The following PALM2AKAP2 variants were observed in gnomAD, a reference collection of about 807,000 sequenced individuals.
PALM2AKAP2 encodes the protein PALM2 and AKAP2 fusion, also known as PALM2-AKAP2 fusion protein.
PALM2AKAP2 carries 37 observed loss-of-function variants against 71.5 expected under a neutral mutation model. The observed-to-expected ratio is 0.52, with a 90% confidence interval of 0.40 to 0.68. The LOEUF (loss-of-function observed/expected upper bound fraction) is 0.68, where lower values mean the gene tolerates loss of function less well. Ranked by LOEUF, PALM2AKAP2 falls within the 30% of genes least tolerant of loss-of-function variation. The probability of loss-of-function intolerance (pLI) is 0.00; values close to 1 mark genes in which losing one functional copy is unlikely to be tolerated. For synonymous variants in PALM2AKAP2, 468 were observed against 478.8 expected, an observed-to-expected ratio of 0.98 and a Z score of 0.29; for missense variants, 1,224 against 1,191.8, an observed-to-expected ratio of 1.03 and a Z score of -0.40.
At chr9:109,977,247 AC>A (rs2132177650) in intron 6 of PALM2AKAP2, among the ~76,000 whole-genome samples, 1 of 152,318 alleles carries the variant, frequency 6.6e-6, no homozygotes, top group East Asian at 1.9e-4. Flanking sequence ...AGTTGAAAGA[AC>A]ATGCTTCTTC....
intron 1 of PALM2AKAP2, among the ~76,000 whole-genome samples, chr9:109,795,128 T>C (rs941958185): frequency 6.6e-6 from 1 of 152,214 alleles, no homozygotes; most frequent in African/African-American, 2.4e-5. Context: ...ATCTTTTGCA[T>C]TATAGGATGT....
intron 1 of PALM2AKAP2, among the ~76,000 whole-genome samples, chr9:109,736,769 C>A (rs917297570): frequency 1.3e-5 from 2 of 152,094 alleles, no homozygotes; most frequent in African/African-American, 4.8e-5. Context: ...ACTCTCCCGC[C>A]ATCCCACCTT....
At chr9:109,665,802 G>T (rs1018390581) in intron 1 of PALM2AKAP2, among the ~76,000 whole-genome samples, 2 of 152,216 alleles carry the variant, frequency 1.3e-5, no homozygotes, top group Non-Finnish European at 2.9e-5. Context: ...CACAGAGGTG[G>T]AGTCTAGAGA....
chr9:110,066,715 G>T lies in PALM2AKAP2; in HGVS notation c.156+17860G>T, dbSNP rs184389911. Reference sequence around the variant, plus strand: ...CATTGTCTCTTAAAAAAAAAAAAAAGTAGGTAAAGATTGAAACAGGCTGGC... The same window carrying T: ...CATTGTCTCTTAAAAAAAAAAAAAATTAGGTAAAGATTGAAACAGGCTGGC... On this transcript the variant is annotated intron_variant, in intron 1 of 3. Coordinates refer to ENST00000374525, the Ensembl canonical transcript of PALM2AKAP2. 2.4e-3 allele frequency among the ~76,000 whole-genome samples: 358 copies of T among 148,814 alleles called. 1 individual carries two copies. Among genetic ancestry groups the T allele is most frequent in the Middle Eastern group, 3.6e-3 (1 of 280 alleles).
Position 109,847,083 on chromosome 9 carries a change from C to T in PALM2AKAP2, c.46-20408C>T, listed in dbSNP as rs545264507. Among the ~76,000 whole-genome samples, 8 of 152,244 alleles carry T rather than the reference C, an allele frequency of 5.3e-5. No individual in the cohort carries two copies. The South Asian group carries it at 6.2e-4, about 12-fold the overall frequency. On this transcript the variant is annotated intron_variant, in intron 1 of 9. Coordinates refer to the PALM2AKAP2 transcript ENST00000302798. ...ACAATGGCGCCCTAAAAGATATATC[C>T]GCATCAAATCCCTGGGACCTATGTG...
intron 1 of PALM2AKAP2, among the ~76,000 whole-genome samples, chr9:110,085,877 C>T (rs912853070): frequency 6.6e-6 from 1 of 152,032 alleles, no homozygotes; most frequent in Non-Finnish European, 1.5e-5. Context: ...GAGGCCGAGG[C>T]GGGCGGATCA....
At chr9:109,763,080 A>G (rs183760973) in intron 1 of PALM2AKAP2, among the ~76,000 whole-genome samples, 7 of 152,308 alleles carry the variant, frequency 4.6e-5, no homozygotes, top group Non-Finnish European at 8.8e-5. Context: ...TTTCAAGGAT[A>G]TAAGTGGAGA....
intron 1 of PALM2AKAP2, among the ~76,000 whole-genome samples, chr9:109,835,156 GAGGGAAAGAGGAGAGGGTGT>G (rs1564171096): frequency 3.4e-5 from 5 of 147,994 alleles, no homozygotes; most frequent in Non-Finnish European, 7.5e-5. Flanking sequence ...GGCAGAGGTG[GAGGGAAAGAGGAGAGGGTGT>G]AGGGAAAGAG....
chr9:110,046,745 G>A (rs1004977841), upstream of PALM2AKAP2, among the ~76,000 whole-genome samples: 7 of 152,164 alleles, frequency 4.6e-5, no homozygotes, highest in Admixed American at 1.3e-4. Flanking sequence ...TGGGATTACA[G>A]GCGTGAGCCA....
intron 3 of PALM2AKAP2, among the ~76,000 whole-genome samples, chr9:109,906,335 A>AT (rs1830444801): frequency 6.6e-6 from 1 of 152,160 alleles, no homozygotes; most frequent in Non-Finnish European, 1.5e-5. Flanking sequence ...AGTAGCTGGG[A>AT]TTATAGGCCT....
chr9:110,010,765 C>G (rs1476386392), intron 6 of PALM2AKAP2, among the ~76,000 whole-genome samples: 1 of 148,186 alleles, frequency 6.7e-6, no homozygotes, highest in African/African-American at 2.5e-5. Flanking sequence ...TTTGGGAGGC[C>G]GAGGCAGGTG....
At chr9:109,906,215 G>C (rs540048341) in intron 3 of PALM2AKAP2, among the ~76,000 whole-genome samples, 1 of 152,080 alleles carries the variant, frequency 6.6e-6, no homozygotes, top group African/African-American at 2.4e-5. Flanking sequence ...GCGGGGGTAG[G>C]GGGGATGGAA....
intron 7 of PALM2AKAP2, among the ~76,000 whole-genome samples, chr9:110,032,691 AAAATAAATAAATAAATAAATAAATAAAT>A (rs200694533): frequency 1.5e-4 from 20 of 131,474 alleles, no homozygotes; most frequent in East Asian, 8.7e-4. Context: ...ATTCTGTCTC[AAAATAAATAAATAAATAAATAAATAAAT>A]AAATAAATAA....
intron 1 of PALM2AKAP2, among the ~76,000 whole-genome samples, chr9:109,719,994 C>CTT (rs111446618): frequency 6.9e-6 from 1 of 145,958 alleles, no homozygotes; most frequent in Admixed American, 6.9e-5. Flanking sequence ...ATTTTTATTC[C>CTT]TTTTTTTTTT....
chr9:109,832,772 G>A (rs995510754), intron 1 of PALM2AKAP2, among the ~76,000 whole-genome samples: 2 of 152,074 alleles, frequency 1.3e-5, no homozygotes, highest in African/African-American at 2.4e-5. Context: ...CAGATTATCC[G>A]ACACAATTTC....
chr9:110,016,265 G>A (rs1453578954), intron 7 of PALM2AKAP2, among the ~76,000 whole-genome samples: 1 of 152,100 alleles, frequency 6.6e-6, no homozygotes, highest in Non-Finnish European at 1.5e-5. Flanking sequence ...TCTGAAACTT[G>A]GGATCTGGAT....
upstream of PALM2AKAP2, among the ~76,000 whole-genome samples, chr9:110,048,122 C>T (rs1173193383): frequency 6.6e-6 from 1 of 152,174 alleles, no homozygotes; most frequent in Non-Finnish European, 1.5e-5. Context: ...CTCAAACACG[C>T]GGAGACACCA....
chr9:109,820,964 C>A (rs902183445), intron 1 of PALM2AKAP2, among the ~76,000 whole-genome samples: 1 of 152,236 alleles, frequency 6.6e-6, no homozygotes, highest in Non-Finnish European at 1.5e-5. Context: ...AAGCTTCTCC[C>A]AGCTGGGCAC....
chr9:109,833,305 G>A (rs1228904356), intron 1 of PALM2AKAP2, among the ~76,000 whole-genome samples: 1 of 152,024 alleles, frequency 6.6e-6, no homozygotes, highest in African/African-American at 2.4e-5. Flanking sequence ...CAGTAAGCCG[G>A]GATCACGCCA....
Sources: gnomAD v4.1 joint callset for allele counts (sites outside exome capture counted in the v4.1 genomes callset) on GRCh38, gnomAD v4.1.1 for gene constraint, MANE v1.5 for transcripts, NCBI Gene and HGNC (gene_info 2026-07-23, HGNC 2026-07-21) for gene names.